The following CYTH1 variants were observed in gnomAD, a reference collection of about 807,000 sequenced individuals.
CYTH1 encodes the protein cytohesin-1.
CYTH1 carries 18 observed loss-of-function variants against 61.8 expected under a neutral mutation model. The ratio of observed to expected loss-of-function variants is 0.29; its 90% CI spans 0.20 to 0.43. The LOEUF is 0.43. CYTH1 is among the 20% of genes least tolerant of loss of function. The pLI, the probability that CYTH1 is intolerant of heterozygous loss-of-function variation, is 1.00. For missense variants in CYTH1, 336 were observed against 510.5 expected, an observed-to-expected ratio of 0.66 and a Z score of 3.29; for synonymous variants, 174 against 184.3, an observed-to-expected ratio of 0.94 and a Z score of 0.45.
chr17:78,701,103 A>G (rs2093004682), intron 6 of CYTH1, among the ~76,000 whole-genome samples: 1 of 152,228 alleles, frequency 6.6e-6, no homozygotes, highest in Non-Finnish European at 1.5e-5. Context: ...GCAGAAAAAG[A>G]GAAGATTGTC....
chr17:78,695,716 A>G (rs2092931516), intron 10 of CYTH1, among the ~76,000 whole-genome samples: 1 of 152,238 alleles, frequency 6.6e-6, no homozygotes, highest in Non-Finnish European at 1.5e-5. Context: ...TTCCAAGTGA[A>G]AATGTCATGG....
chr17:78,691,221 T>G (rs1225554412), intron 11 of CYTH1: 2 of 152,248 alleles, frequency 1.3e-5, no homozygotes, highest in East Asian at 3.8e-4. Flanking sequence ...CACAGTGATT[T>G]ACTATCCTCA....
chr17:78,752,865 T>C (rs2093385959), intron 1 of CYTH1, among the ~76,000 whole-genome samples: 1 of 152,200 alleles, frequency 6.6e-6, no homozygotes, highest in Admixed American at 6.5e-5. Flanking sequence ...CCTAATTAAA[T>C]ACAAAGCCAT....
At chr17:78,726,263 C>T (rs1248225851) in intron 1 of CYTH1, among the ~76,000 whole-genome samples, 2 of 151,954 alleles carry the variant, frequency 1.3e-5, no homozygotes, top group East Asian at 1.9e-4. Context: ...AGGATGGTCT[C>T]GATCTCCTGA....
chr17:78,691,307 C>T (rs1164141633), intron 11 of CYTH1: 2 of 152,224 alleles, frequency 1.3e-5, no homozygotes, highest in African/African-American at 4.8e-5. Flanking sequence ...GGGTGAGAAG[C>T]TGCATGTGCA....
chr17:78,759,413 A>G (rs1034875980), intron 1 of CYTH1, among the ~76,000 whole-genome samples: 8 of 152,202 alleles, frequency 5.3e-5, no homozygotes, highest in African/African-American at 1.9e-4. Flanking sequence ...TGTACAGATC[A>G]GGGCTCTAAA....
chr17:78,699,765 T>G (rs145338973), intron 7 of CYTH1, among the ~76,000 whole-genome samples: 1 of 152,278 alleles, frequency 6.6e-6, no homozygotes, highest in African/African-American at 2.4e-5. Context: ...TCAATAAAAA[T>G]TCTTTGTAAC....
chr17:78,736,257 T>C (rs753255826), intron 1 of CYTH1, among the ~76,000 whole-genome samples: 22 of 152,212 alleles, frequency 1.4e-4, no homozygotes, highest in Non-Finnish European at 3.1e-4. Flanking sequence ...CAACTGTTAT[T>C]TTGATACAGG....
At position 78,700,232 on chromosome 17, in the gene CYTH1, C is replaced by A. The variant is rs1220577899; in HGVS notation, c.550+99G>T. 9 of 1,014,240 alleles carry A rather than the reference C, an allele frequency of 8.9e-6. No individual in the cohort carries two copies. The highest frequency in any genetic ancestry group is 1.3e-5 in the Non-Finnish European group (9 of 706,500). 62.8% of individuals were successfully genotyped at this position (1,014,240 alleles called of 1,614,324 possible). A position where few individuals can be genotyped will look rare whatever the true frequency, so the allele number is the denominator to read the frequency against. ...CTATCATTGAGTAAACGTTCCTAGG[C>A]ATGAATCTCAGCCCTTTTGTTTTAG... On this transcript the variant is annotated intron_variant, in intron 7 of 13. Coordinates refer to ENST00000446868, the MANE Select transcript of CYTH1 (RefSeq NM_004762.6). This position sits in a 1 kb window ranked among gnomAD's most constrained non-coding sequence, Gnocchi z 5.1.
intron 1 of CYTH1, among the ~76,000 whole-genome samples, chr17:78,721,465 C>G (rs1041083229): frequency 3.9e-5 from 6 of 152,232 alleles, no homozygotes; most frequent in Admixed American, 1.3e-4. Flanking sequence ...AATATTTAGA[C>G]TATTCTAATT....
chr17:78,728,436 T>C (rs933812907), intron 1 of CYTH1, among the ~76,000 whole-genome samples: 6 of 151,934 alleles, frequency 3.9e-5, no homozygotes, highest in Non-Finnish European at 7.4e-5. Flanking sequence ...TCCCTGCTAC[T>C]TGGGAGGCTG....
chr17:78,699,633 C>T (rs953021195), intron 7 of CYTH1, among the ~76,000 whole-genome samples: 6 of 152,116 alleles, frequency 3.9e-5, no homozygotes, highest in East Asian at 3.8e-4. Context: ...ATTTCCTCTA[C>T]GTAAATATGA....
chr17:78,696,288 A>G (rs1210774172), intron 9 of CYTH1, among the ~76,000 whole-genome samples: 1 of 152,240 alleles, frequency 6.6e-6, no homozygotes, highest in African/African-American at 2.4e-5. Flanking sequence ...GGCCCCAAAG[A>G]TGCCACAAAT....
At chr17:78,731,675 G>A (rs1229619853) in intron 1 of CYTH1, among the ~76,000 whole-genome samples, 5 of 149,780 alleles carry the variant, frequency 3.3e-5, no homozygotes, top group African/African-American at 4.9e-5. Flanking sequence ...GGAGAATGGC[G>A]TGAACCCGGG....
chr17:78,744,303 C>G (rs1258641135), intron 1 of CYTH1, among the ~76,000 whole-genome samples: 6 of 152,182 alleles, frequency 3.9e-5, no homozygotes, highest in African/African-American at 1.4e-4. Context: ...TATCTCCATT[C>G]TCAGAGGTGC....
At chr17:78,696,061 T>C in intron 9 of CYTH1, 52 bp from the exon 10 acceptor site, 1 of 1,366,932 alleles carries the variant, frequency 7.3e-7, no homozygotes, top group Non-Finnish European at 9.8e-7. Flanking sequence ...AACATACAAA[T>C]GAGGGAGAAA....
At position 78,717,825 on chromosome 17, in the gene CYTH1, G is replaced by A. The variant is rs972597573; in HGVS notation, c.23-8093C>T. On this transcript the variant is annotated intron_variant, in intron 1 of 13. Coordinates refer to ENST00000446868, the MANE Select transcript of CYTH1 (RefSeq NM_004762.6). The surrounding 1 kb of genome is among the most constrained non-coding windows in gnomAD (Gnocchi z 4.4). Reference sequence around the variant, plus strand: ...GTACCGTCAAATGAACGTGTCCAAGGCATGCTTTAGGACCAGGATGTCTCT... The same window carrying A: ...GTACCGTCAAATGAACGTGTCCAAGACATGCTTTAGGACCAGGATGTCTCT... 2.6e-5 allele frequency among the ~76,000 whole-genome samples: 4 copies of A among 152,124 alleles called. No homozygotes were observed. The highest frequency in any genetic ancestry group is 4.4e-5 in the Non-Finnish European group (3 of 68,030).
At chr17:78,724,752 C>A (rs907355315) in intron 1 of CYTH1, among the ~76,000 whole-genome samples, 8 of 152,190 alleles carry the variant, frequency 5.3e-5, no homozygotes, top group African/African-American at 1.9e-4. Context: ...ATGGAAGGCA[C>A]CCGCCCCTCT....
intron 3 of CYTH1, among the ~76,000 whole-genome samples, chr17:78,705,840 T>TGA (rs1345259017): frequency 6.6e-6 from 1 of 152,244 alleles, no homozygotes; most frequent in East Asian, 1.9e-4. Flanking sequence ...ATTCACTGGC[T>TGA]GAGTACTTTG....
Sources: allele counts gnomAD v4.1 joint callset (sites outside exome capture counted in the v4.1 genomes callset), GRCh38; gene constraint gnomAD v4.1.1; non-coding constraint Gnocchi (gnomAD v3.1); transcripts MANE v1.5; gene names NCBI Gene and HGNC (gene_info 2026-07-23, HGNC 2026-07-21).